Variants in SUZ12 observed in about 807,000 individuals in gnomAD.
SUZ12 encodes polycomb protein SUZ12.
A neutral mutation model predicts 87.3 loss-of-function variants in SUZ12; 17 were observed. The ratio of observed to expected loss-of-function variants is 0.19; its 90% CI spans 0.13 to 0.29. The LOEUF (loss-of-function observed/expected upper bound fraction) is 0.29, where lower values mean the gene tolerates loss of function less well. SUZ12 is among the 10% of genes least tolerant of loss of function. The pLI is 1.00. For missense variants in SUZ12, 526 were observed against 912.2 expected (o/e 0.58, Z 5.45); for synonymous variants, 253 against 312.4 (o/e 0.81, Z 2.01).
intron 9 of SUZ12, among the ~76,000 whole-genome samples, chr17:31,986,049 A>G (rs151053034): frequency 2.6e-5 from 4 of 151,528 alleles, no homozygotes; most frequent in Non-Finnish European, 1.5e-5. Flanking sequence ...GTTCACTGCA[A>G]CCTCTGCCTC....
At chr17:31,964,405 C>G (rs888073004) in intron 4 of SUZ12, among the ~76,000 whole-genome samples, 4 of 147,440 alleles carry the variant, frequency 2.7e-5, no homozygotes, top group Non-Finnish European at 3.0e-5. Flanking sequence ...AAAATCCCAA[C>G]TCTGTAGGTT....
chr17:31,968,921 C>G (rs1181251506), intron 5 of SUZ12, among the ~76,000 whole-genome samples: 1 of 152,074 alleles, frequency 6.6e-6, no homozygotes, highest in East Asian at 1.9e-4. Flanking sequence ...TCAACAATTG[C>G]TCAGATTTAC....
intron 5 of SUZ12, among the ~76,000 whole-genome samples, chr17:31,968,403 A>C (rs1908219759): frequency 6.6e-6 from 1 of 152,076 alleles, no homozygotes; most frequent in East Asian, 2.0e-4. Context: ...AATTAAAAAA[A>C]ATTTTTTTTG....
At position 31,996,836 on chromosome 17, in the gene SUZ12, A is replaced by G. The variant is rs2142219310; in HGVS notation, c.1833A>G (p.Lys611=). 1.3e-6 allele frequency: 2 copies of G among 1,549,540 alleles called. No individual in the cohort carries two copies. The highest frequency in any genetic ancestry group is 1.7e-6 in the Non-Finnish European group (2 of 1,158,482). Residue 611 remains lysine (K), a synonymous_variant, in exon 15 of 16, where the codon AAA becomes AAG. Transcript: ENST00000322652. ...EEFSDVNEGE[K]EVMKLWNLHV... is the part of the protein sequence containing the mutation. ...TTTCTGATGTTAATGAAGGAGAGAA[A>G]GAAGTGATGAAACTCTGGAATCTCC...
At chr17:31,987,540 A>T (rs559385382) in intron 9 of SUZ12, among the ~76,000 whole-genome samples, 1 of 152,328 alleles carries the variant, frequency 6.6e-6, no homozygotes, top group South Asian at 2.1e-4. Context: ...AAAATTACTA[A>T]TTGAAAAGCT....
chr17:31,941,273 T>C (rs1906263489), intron 3 of SUZ12, among the ~76,000 whole-genome samples: 1 of 151,704 alleles, frequency 6.6e-6, no homozygotes, highest in Non-Finnish European at 1.5e-5. Flanking sequence ...GGTGTTTTTT[T>C]TGAGAGAAGT....
At chr17:31,951,765 C>T (rs867282178) in intron 4 of SUZ12, among the ~76,000 whole-genome samples, 44 of 146,090 alleles carry the variant, frequency 3.0e-4, no homozygotes, top group Non-Finnish European at 6.0e-4. Context: ...TGTGAGCCAC[C>T]GCGCCCAGCC....
chr17:31,955,519 C>A (rs1265734865), intron 4 of SUZ12, among the ~76,000 whole-genome samples: 2 of 151,980 alleles, frequency 1.3e-5, no homozygotes, highest in Non-Finnish European at 1.5e-5. Context: ...GAGGCCGAGG[C>A]GGGCGGATCA....
chr17:31,970,887 A>G (rs891679896), intron 5 of SUZ12, among the ~76,000 whole-genome samples: 1 of 152,180 alleles, frequency 6.6e-6, no homozygotes, highest in Admixed American at 6.6e-5. Flanking sequence ...TTCATCTATT[A>G]TAATAGTTCT....
chr17:31,946,914 C>T (rs917541549), intron 3 of SUZ12, among the ~76,000 whole-genome samples: 4 of 152,092 alleles, frequency 2.6e-5, no homozygotes, highest in Admixed American at 6.6e-5. Context: ...AGTTTTATTA[C>T]GATTTGATGG....
intron 7 of SUZ12, 93 bp from the exon 8 acceptor site, chr17:31,976,428 G>A (rs1908756813): frequency 1.9e-6 from 2 of 1,028,358 alleles, no homozygotes; most frequent in Non-Finnish European, 2.9e-6. Flanking sequence ...CCTCATTTGG[G>A]ATAAATGTAG....
chr17:31,948,015 A>G (rs1906733635), intron 4 of SUZ12, among the ~76,000 whole-genome samples: 1 of 152,116 alleles, frequency 6.6e-6, no homozygotes. Context: ...TCACATTTAT[A>G]GTATATGTGC....
intron 8 of SUZ12, 109 bp downstream of exon 8, chr17:31,976,723 A>T: frequency 2.4e-6 from 2 of 848,290 alleles, no homozygotes; most frequent in Non-Finnish European, 3.5e-6. Context: ...GTTTCTTTTT[A>T]TTCTTACGGA....
chr17:31,976,475 T>C (rs1318346126), intron 7 of SUZ12, 46 bp from the exon 8 acceptor site: 1 of 1,491,582 alleles, frequency 6.7e-7, no homozygotes, highest in Non-Finnish European at 9.3e-7. Flanking sequence ...TCATAACACA[T>C]TTTTGTTCTA....
At chr17:31,987,792 G>C (rs1481401673) in intron 9 of SUZ12, among the ~76,000 whole-genome samples, 1 of 152,090 alleles carries the variant, frequency 6.6e-6, no homozygotes, top group Non-Finnish European at 1.5e-5. Flanking sequence ...CAAAAAATTA[G>C]CTGGGCGTGA....
intron 4 of SUZ12, among the ~76,000 whole-genome samples, chr17:31,952,226 A>G (rs1907032011): frequency 6.6e-6 from 1 of 151,842 alleles, no homozygotes; most frequent in African/African-American, 2.4e-5. Flanking sequence ...ATGCCTGGCT[A>G]ATTTTTAAAT....
intron 10 of SUZ12, among the ~76,000 whole-genome samples, chr17:31,992,451 C>T (rs1239789881): frequency 6.6e-6 from 1 of 152,024 alleles, no homozygotes; most frequent in Admixed American, 6.6e-5. Context: ...CCTCAGTCGC[C>T]CAGGCTGGAG....
In SUZ12 at chr17:31,973,583, AG is replaced by A. The variant is rs548105036; in HGVS notation, c.591+353del. On this transcript the variant is annotated intron_variant, in intron 6 of 15. Transcript: ENST00000322652. ...ACATTTTAGGTAAGGGCTAAGAGAGAGTTTTTTCCACAAGATTATCCTTTGT... is the reference window on the plus strand; with the variant it reads ...ACATTTTAGGTAAGGGCTAAGAGAGATTTTTTCCACAAGATTATCCTTTGT... Among the ~76,000 whole-genome samples the A allele has an allele frequency of 4.5e-4, 69 of 152,278 alleles. No homozygotes were observed. The East Asian group carries it at 0.011, about 24-fold the overall frequency.
intron 8 of SUZ12, among the ~76,000 whole-genome samples, chr17:31,982,750 T>TA (rs1909188256): frequency 6.6e-6 from 1 of 152,228 alleles, no homozygotes; most frequent in Non-Finnish European, 1.5e-5. Context: ...AGGCATATTA[T>TA]ACTTTACATG....
Sources: allele counts gnomAD v4.1 joint callset (sites outside exome capture counted in the v4.1 genomes callset), GRCh38; gene constraint gnomAD v4.1.1; transcripts MANE v1.5; gene names NCBI Gene and HGNC (gene_info 2026-07-23, HGNC 2026-07-21).